PWP1: variants seen among roughly 807,000 people sequenced by gnomAD.
The protein encoded by PWP1 is periodic tryptophan protein 1 homolog.
In PWP1, 47 loss-of-function variants were observed where a neutral mutation model predicts 69.9. The observed-to-expected ratio is 0.67, with a 90% CI of 0.53 to 0.86. The LOEUF is 0.86. Ranked by LOEUF, PWP1 falls within the 40% of genes least tolerant of loss-of-function variation. The probability of loss-of-function intolerance (pLI) is 0.00; values close to 1 mark genes in which losing one functional copy is unlikely to be tolerated. For missense variants in PWP1, 551 were observed against 608.8 expected (o/e 0.91, Z 1.00); for synonymous variants, 222 against 208.2 (o/e 1.07, Z -0.57).
chr12:107,688,053 A>G lies in PWP1; in HGVS notation c.73-395A>G, dbSNP rs975849260. Reference sequence around the variant, plus strand: ...CTCAAAAAAAAAAAAAAAAAAAAAAAAAAAAAAGAACAGAGGACTCATGTA... The same window carrying G: ...CTCAAAAAAAAAAAAAAAAAAAAAAGAAAAAAAGAACAGAGGACTCATGTA... On this transcript the variant is annotated intron_variant, in intron 1 of 14. Transcript: ENST00000412830. Among the ~76,000 whole-genome samples, 12 of 149,476 alleles carry G rather than the reference A, an allele frequency of 8.0e-5. No homozygotes were observed. In the South Asian group the frequency reaches 2.5e-3, roughly 31 times the overall value.
intron 1 of PWP1, among the ~76,000 whole-genome samples, chr12:107,687,035 T>G (rs377443318): frequency 6.7e-6 from 1 of 150,142 alleles, no homozygotes; most frequent in South Asian, 2.1e-4. Flanking sequence ...AGTCGACATG[T>G]GCACATATAG....
chr12:107,709,756 A>G (rs940219556), intron 13 of PWP1, among the ~76,000 whole-genome samples: 1 of 152,144 alleles, frequency 6.6e-6, no homozygotes, highest in African/African-American at 2.4e-5. Context: ...CTGCAGACAC[A>G]GTAACACTGC....
At chr12:107,689,826 C>T (rs1268382155) in intron 3 of PWP1, among the ~76,000 whole-genome samples, 1 of 152,050 alleles carries the variant, frequency 6.6e-6, no homozygotes, top group Non-Finnish European at 1.5e-5. Flanking sequence ...GTATAGAAAG[C>T]CTCGTGGGGA....
intron 3 of PWP1, 68 bp from the exon 4 acceptor site, chr12:107,692,746 T>A: frequency 7.6e-7 from 1 of 1,313,246 alleles, no homozygotes; most frequent in Non-Finnish European, 1.1e-6. Context: ...CAAGAATGGA[T>A]GTCATAGGAA....
At chr12:107,711,257 T>C (rs1889947115) in intron 14 of PWP1, among the ~76,000 whole-genome samples, 1 of 152,212 alleles carries the variant, frequency 6.6e-6, no homozygotes, top group African/African-American at 2.4e-5. Context: ...AAGAATGCCT[T>C]TAAGCAGTTT....
Position 107,702,932 on chromosome 12 carries a change from CAG to C in PWP1, c.807-1_807del. On this transcript the variant is annotated splice_acceptor_variant, in intron 8 of 14. Transcript: ENST00000412830. LOFTEE classifies it high-confidence loss of function. Reference sequence around the variant, plus strand: ...TACCTGATTGGATTCTTCCCTTTCTCAGAAATGTTTTAGCAAGTGCATCAGCT... The same window carrying C: ...TACCTGATTGGATTCTTCCCTTTCTCAAATGTTTTAGCAAGTGCATCAGCT... 6.3e-7 allele frequency: 1 copy of C among 1,586,942 alleles called. No individual in the cohort carries two copies. The highest frequency in any genetic ancestry group is 8.7e-7 in the Non-Finnish European group (1 of 1,155,724).
rs780703367 is a variant in PWP1 at position 107,693,064 on chromosome 12, C to G, written c.470C>G (p.Ala157Gly). Residue 157 changes from alanine to glycine, a missense_variant, in exon 5 of 15, where the codon GCT becomes GGT. By Grantham distance (60) the Ala-to-Gly change is moderately conservative (BLOSUM62 0). Transcript: ENST00000412830. ...PSDNLIVCGRAEQDQCNLEVH... is the reference protein window; with the variant it reads ...PSDNLIVCGRGEQDQCNLEVH... ...GATAATCTTATAGTTTGTGGCCGAG[C>G]TGAACAGGACCAGTGCAATTTAGAG... The G allele has an allele frequency of 9.3e-6, 15 of 1,613,920 alleles. No homozygotes were observed. Among genetic ancestry groups the G allele is most frequent in the Non-Finnish European group, 1.2e-5 (14 of 1,179,994 alleles).
intron 6 of PWP1, among the ~76,000 whole-genome samples, chr12:107,697,118 C>T (rs897553393): frequency 6.6e-6 from 1 of 152,156 alleles, no homozygotes; most frequent in African/African-American, 2.4e-5. Context: ...ATGATCTGAT[C>T]TGATCTTCAT....
In PWP1 at chr12:107,692,981, T is replaced by C; in HGVS notation, c.406-19T>C. The C allele has an allele frequency of 6.2e-7, 1 of 1,613,186 alleles. No individual in the cohort carries two copies. The highest frequency in any genetic ancestry group is 8.5e-7 in the Non-Finnish European group (1 of 1,179,738). On this transcript the variant is annotated intron_variant, in intron 4 of 14. Transcript: ENST00000412830. The stretch of plus-strand genomic sequence containing the variant: ...GGCTCTCTGCTTCTAGTCAATGACA[T>C]TTTTTTCCTCTCACTTAGGAACAAT...
intron 11 of PWP1, 140 bp downstream of exon 11, chr12:107,704,887 GT>G (rs773027565): frequency 1.4e-4 from 81 of 579,602 alleles, no homozygotes; most frequent in Middle Eastern, 4.6e-4. Flanking sequence ...AGCATAAGGT[GT>G]TTTTTTTTAA....
intron 8 of PWP1, among the ~76,000 whole-genome samples, chr12:107,701,187 C>T (rs1437550205): frequency 6.6e-6 from 1 of 151,800 alleles, no homozygotes; most frequent in Non-Finnish European, 1.5e-5. Context: ...AGTGCAGTGG[C>T]ACAATCACTG....
intron 3 of PWP1, among the ~76,000 whole-genome samples, chr12:107,690,631 T>A (rs1485657262): frequency 6.6e-6 from 1 of 152,178 alleles, no homozygotes; most frequent in East Asian, 1.9e-4. Context: ...CCCAGCTAAT[T>A]TTCGTGTTTT....
chr12:107,699,932 T>C (rs1889671982), intron 8 of PWP1, among the ~76,000 whole-genome samples: 1 of 152,188 alleles, frequency 6.6e-6, no homozygotes. Flanking sequence ...CACAGTTCTG[T>C]ATGGCTGGGG....
chr12:107,706,290 A>C (rs1889822830), intron 11 of PWP1, among the ~76,000 whole-genome samples: 1 of 152,152 alleles, frequency 6.6e-6, no homozygotes, highest in South Asian at 2.1e-4. Flanking sequence ...GATTCTGGAT[A>C]TTAGCCCTTT....
intron 7 of PWP1, among the ~76,000 whole-genome samples, chr12:107,698,461 G>A (rs1889637544): frequency 6.6e-6 from 1 of 152,050 alleles, no homozygotes; most frequent in African/African-American, 2.4e-5. Context: ...AGGAGGTTGA[G>A]GTTGCAGTGA....
At chr12:107,711,444 C>A (rs1011250197) in intron 14 of PWP1, among the ~76,000 whole-genome samples, 7 of 152,116 alleles carry the variant, frequency 4.6e-5, no homozygotes, top group Non-Finnish European at 7.3e-5. Context: ...ATTGAAAGAT[C>A]TTTGGGGAAA....
Position 107,705,634 on chromosome 12 carries a change from C to G in PWP1, c.1077+887C>G, listed in dbSNP as rs948861065. Reference sequence around the variant, plus strand: ...AACATGCAACGTTTGGTTTTCTGTCCTTGCGATAGATAGTTTTCTGAGAAT... The same window carrying G: ...AACATGCAACGTTTGGTTTTCTGTCGTTGCGATAGATAGTTTTCTGAGAAT... On this transcript the variant is annotated intron_variant, in intron 11 of 14. Coordinates refer to ENST00000412830, the MANE Select transcript of PWP1 (RefSeq NM_007062.3). 1.8e-4 allele frequency among the ~76,000 whole-genome samples: 27 copies of G among 150,842 alleles called. 1 individual carries two copies. In the Admixed American group the frequency reaches 1.8e-3, roughly 10 times the overall value.
intron 5 of PWP1, among the ~76,000 whole-genome samples, chr12:107,695,403 A>T (rs1889563398): frequency 6.6e-6 from 1 of 152,238 alleles, no homozygotes; most frequent in African/African-American, 2.4e-5. Flanking sequence ...AGCATTACAC[A>T]AATCTGCTAA....
intron 1 of PWP1, 31 bp downstream of exon 1, chr12:107,686,002 G>A (rs1391743776): frequency 6.2e-7 from 1 of 1,610,872 alleles, no homozygotes; most frequent in Admixed American, 1.7e-5. Context: ...GACAAGGGGA[G>A]CAGCGTCTTT....
Sources: gnomAD v4.1 joint callset for allele counts (sites outside exome capture counted in the v4.1 genomes callset) on GRCh38, gnomAD v4.1.1 for gene constraint, MANE v1.5 for transcripts, NCBI Gene and HGNC (gene_info 2026-07-23, HGNC 2026-07-21) for gene names.